The following AFTPH variants were observed in gnomAD, a reference collection of about 807,000 sequenced individuals.
AFTPH encodes the protein aftiphilin.
Under a neutral mutation model 72.5 loss-of-function variants are expected in AFTPH, and 7 were observed. That is an observed-to-expected ratio of 0.10 (90% confidence interval 0.05 to 0.18). AFTPH has a LOEUF of 0.18. Ranked by LOEUF, AFTPH falls within the 10% of genes least tolerant of loss-of-function variation. The probability of loss-of-function intolerance (pLI) is 1.00; values close to 1 mark genes in which losing one functional copy is unlikely to be tolerated. For missense variants in AFTPH, 979 were observed against 1,060.5 expected (o/e 0.92, Z 1.07); for synonymous variants, 337 against 370.1 (o/e 0.91, Z 1.03).
chr2:64,581,630 C>G (rs1333183245), intron 7 of AFTPH, among the ~76,000 whole-genome samples: 1 of 145,866 alleles, frequency 6.9e-6, no homozygotes, highest in Non-Finnish European at 1.5e-5. Context: ...GAAAAAAATA[C>G]AAGTTTAGAG....
intron 2 of AFTPH, among the ~76,000 whole-genome samples, chr2:64,565,532 G>C (rs1217932286): frequency 1.3e-5 from 2 of 151,112 alleles, no homozygotes; most frequent in Non-Finnish European, 2.9e-5. Flanking sequence ...TTGTTGAGGA[G>C]TTTCCCTCCC....
At chr2:64,561,191 A>G (rs1317906385) in intron 2 of AFTPH, among the ~76,000 whole-genome samples, 1 of 152,204 alleles carries the variant, frequency 6.6e-6, no homozygotes, top group South Asian at 2.1e-4. Context: ...TCAGAGCCCC[A>G]GTTTTTAAAA....
intron 1 of AFTPH, among the ~76,000 whole-genome samples, chr2:64,540,213 T>C (rs1350533209): frequency 1.3e-5 from 2 of 152,292 alleles, no homozygotes; most frequent in Non-Finnish European, 2.9e-5. Flanking sequence ...TTATTCTGCA[T>C]CTATATAATA....
intron 1 of AFTPH, among the ~76,000 whole-genome samples, chr2:64,550,721 ACACACACAC>A (rs1238298243): frequency 2.3e-5 from 3 of 132,280 alleles, no homozygotes; most frequent in Admixed American, 7.5e-5. Flanking sequence ...ACACACACAC[ACACACACAC>A]AACTGGTGAA....
chr2:64,524,422 G>A (rs1039475197), exon 1 of AFTPH: 1 of 404,214 alleles, frequency 2.5e-6, no homozygotes, highest in Non-Finnish European at 4.4e-6. Flanking sequence ...GGAGGGTAGT[G>A]GGATGGGGGT....
chr2:64,526,739 TATG>T (rs1669292359), intron 1 of AFTPH, among the ~76,000 whole-genome samples: 1 of 152,240 alleles, frequency 6.6e-6, no homozygotes, highest in Non-Finnish European at 1.5e-5. Context: ...TGCAGCTTTA[TATG>T]ATAATTGCTA....
At chr2:64,576,956 A>G (rs1182930001) in intron 6 of AFTPH, among the ~76,000 whole-genome samples, 1 of 152,108 alleles carries the variant, frequency 6.6e-6, no homozygotes, top group Non-Finnish European at 1.5e-5. Context: ...ACGGGGTTTC[A>G]CCATGTTGGC....
intron 1 of AFTPH, among the ~76,000 whole-genome samples, chr2:64,546,173 G>A (rs183703539): frequency 6.7e-6 from 1 of 150,052 alleles, no homozygotes; most frequent in Non-Finnish European, 1.5e-5. Flanking sequence ...GATTACAGGC[G>A]TGAGCCACTG....
At chr2:64,584,839 G>A (rs1272194326) in intron 7 of AFTPH, among the ~76,000 whole-genome samples, 12 of 152,142 alleles carry the variant, frequency 7.9e-5, no homozygotes, top group African/African-American at 2.2e-4. Context: ...TTTGTGATCT[G>A]CCCGCCTCGG....
chr2:64,538,688 A>G (rs1169036321), intron 1 of AFTPH, among the ~76,000 whole-genome samples: 1 of 152,214 alleles, frequency 6.6e-6, no homozygotes, highest in Non-Finnish European at 1.5e-5. Context: ...TTAAAGTAAA[A>G]TTAATAGCAC....
chr2:64,553,975 G>T (rs1671208361), intron 2 of AFTPH, among the ~76,000 whole-genome samples: 2 of 151,962 alleles, frequency 1.3e-5, no homozygotes, highest in African/African-American at 2.4e-5. Flanking sequence ...CTAGAAAAAA[G>T]CAAGTTTTTC....
At chr2:64,545,814 A>T (rs1670575043) in intron 1 of AFTPH, among the ~76,000 whole-genome samples, 1 of 152,008 alleles carries the variant, frequency 6.6e-6, no homozygotes, top group African/African-American at 2.4e-5. Context: ...TAGTGGTGGT[A>T]GTTACACAAA....
At chr2:64,556,227 A>G (rs1244042131) in intron 2 of AFTPH, among the ~76,000 whole-genome samples, 2 of 152,152 alleles carry the variant, frequency 1.3e-5, no homozygotes, top group Non-Finnish European at 2.9e-5. Context: ...ACCTCAGGTG[A>G]TCCACCCGGC....
chr2:64,590,458 G>T (rs1673760368), intron 8 of AFTPH, among the ~76,000 whole-genome samples: 1 of 152,196 alleles, frequency 6.6e-6, no homozygotes, highest in Admixed American at 6.5e-5. Flanking sequence ...TAGTGGTGCT[G>T]AGATTGACGA....
At chr2:64,582,492 T>G (rs2104207496) in intron 7 of AFTPH, among the ~76,000 whole-genome samples, 1 of 152,290 alleles carries the variant, frequency 6.6e-6, no homozygotes, top group Admixed American at 6.5e-5. Flanking sequence ...TGCAAGCATA[T>G]AAAAAACCAA....
rs1239114178 is a variant in AFTPH at position 64,527,214 on chromosome 2, G to A, written c.-33+2602G>A. Among the ~76,000 whole-genome samples, 4 of 152,072 alleles carry A rather than the reference G, an allele frequency of 2.6e-5. No homozygotes were observed. The East Asian group carries it at 5.8e-4, about 22-fold the overall frequency. ...AAGAGATTAAGATTTAACACACCTG[G>A]GTGATGGTTACTGGCTCATTCATTA... On this transcript the variant is annotated intron_variant, in intron 1 of 8. Transcript: ENST00000238856.
At position 64,573,432 on chromosome 2, in the gene AFTPH, TA is replaced by T. The variant is rs57001495; in HGVS notation, c.2394+379del. ...ACACAAATCTGGTAAGTGCTGGGTT[TA>T]AAAAAAAAAAAAAAGAAAAGAAAAA... On this transcript the variant is annotated intron_variant, in intron 6 of 8. Transcript: ENST00000238856. Among the ~76,000 whole-genome samples the T allele has an allele frequency of 6.3e-3, 889 of 140,422 alleles. 3 individuals carry two copies. The highest frequency in any genetic ancestry group is 0.017 in the African/African-American group (647 of 38,180). The allele number at this position is 140,422 out of a possible 152,430, so 92.1% of individuals were successfully genotyped here.
Position 64,586,520 on chromosome 2 carries a change from TATC to T in AFTPH, c.2579+978_2579+980del, listed in dbSNP as rs1275141346. On this transcript the variant is annotated intron_variant, in intron 8 of 8. Transcript: ENST00000238856. ...TCTCTCTCTTAACTTTAGCTTGAAT[TATC>T]ATATTGTCTTTTAAACTTTGTGTGC... 1.5e-4 allele frequency among the ~76,000 whole-genome samples: 23 copies of T among 152,390 alleles called. 1 individual carries two copies. The highest frequency in any genetic ancestry group is 6.8e-3 in the Middle Eastern group (2 of 294).
intron 1 of AFTPH, among the ~76,000 whole-genome samples, chr2:64,542,234 G>T (rs6733015): frequency 0.051 from 7,766 of 152,170 alleles, 469 homozygotes; most frequent in African/African-American, 0.14. Context: ...CTCTTACTTA[G>T]AGACACTCCA....
Sources: gnomAD v4.1 joint callset for allele counts (sites outside exome capture counted in the v4.1 genomes callset) on GRCh38, gnomAD v4.1.1 for gene constraint, MANE v1.5 for transcripts, NCBI Gene and HGNC (gene_info 2026-07-23, HGNC 2026-07-21) for gene names.